EMCN: variants seen among roughly 807,000 people sequenced by gnomAD.
EMCN encodes the protein MUC-14.
EMCN carries 37 observed loss-of-function variants against 38.4 expected under a neutral mutation model. The observed-to-expected ratio is 0.96, with a 90% CI of 0.74 to 1.27. EMCN has a LOEUF of 1.27. Ranked by LOEUF, EMCN falls within the 50% of genes most tolerant of loss-of-function variation. The pLI is 0.00. For missense variants in EMCN, 318 were observed against 302.8 expected, an observed-to-expected ratio of 1.05 and a Z score of -0.37; for synonymous variants, 95 against 100.8, an observed-to-expected ratio of 0.94 and a Z score of 0.35.
At chr4:100,447,251 G>C (rs1290801113) in intron 5 of EMCN, among the ~76,000 whole-genome samples, 2 of 152,180 alleles carry the variant, frequency 1.3e-5, no homozygotes, top group Non-Finnish European at 2.9e-5. Context: ...ATCAAGAACA[G>C]TGGGTTTCAG....
intron 1 of EMCN, among the ~76,000 whole-genome samples, chr4:100,492,830 A>G (rs1299743660): frequency 6.6e-6 from 1 of 152,170 alleles, no homozygotes; most frequent in Non-Finnish European, 1.5e-5. Flanking sequence ...GGTGTAGTGT[A>G]GGGAGTAGAA....
At chr4:100,461,076 G>A (rs758762547) in intron 4 of EMCN, among the ~76,000 whole-genome samples, 2 of 152,178 alleles carry the variant, frequency 1.3e-5, no homozygotes, top group Non-Finnish European at 1.5e-5. Flanking sequence ...CTAATGGCAT[G>A]TGCTATCTTT....
At chr4:100,442,628 A>C (rs1326172937) in intron 5 of EMCN, among the ~76,000 whole-genome samples, 1 of 151,720 alleles carries the variant, frequency 6.6e-6, no homozygotes, top group African/African-American at 2.4e-5. Flanking sequence ...CACAGATTTT[A>C]TCTTCTGATT....
intron 10 of EMCN, among the ~76,000 whole-genome samples, chr4:100,410,841 G>A (rs776252321): frequency 1.4e-4 from 22 of 152,094 alleles, no homozygotes; most frequent in Non-Finnish European, 2.9e-4. Flanking sequence ...ACAGAGCAGC[G>A]CAGGTGCCAT....
chr4:100,411,122 C>T (rs923628978), intron 10 of EMCN, among the ~76,000 whole-genome samples: 3 of 152,122 alleles, frequency 2.0e-5, no homozygotes, highest in Non-Finnish European at 4.4e-5. Flanking sequence ...TCTGTCCTTT[C>T]GGGACTCTGA....
At chr4:100,418,911 C>T (rs1283475405) in intron 8 of EMCN, among the ~76,000 whole-genome samples, 4 of 152,016 alleles carry the variant, frequency 2.6e-5, no homozygotes, top group Admixed American at 1.3e-4. Flanking sequence ...TACCCAGCAG[C>T]GGGATTGCTG....
intron 10 of EMCN, 95 bp downstream of exon 10, chr4:100,415,803 G>T: frequency 2.6e-6 from 2 of 756,554 alleles, no homozygotes; most frequent in South Asian, 3.5e-5. Context: ...AAGAAGTTAG[G>T]CCTTTTGTTT....
intron 3 of EMCN, among the ~76,000 whole-genome samples, chr4:100,472,431 T>G (rs1009955343): frequency 6.6e-6 from 1 of 152,150 alleles, no homozygotes; most frequent in South Asian, 2.1e-4. Flanking sequence ...CTTCCACACT[T>G]GGAAACTACA....
At chr4:100,427,450 TC>T (rs1727081204) in intron 5 of EMCN, among the ~76,000 whole-genome samples, 1 of 130,504 alleles carries the variant, frequency 7.7e-6, no homozygotes, top group African/African-American at 3.6e-5. Context: ...TTTCTCTCTC[TC>T]TCTTTTTTTT....
At chr4:100,470,130 T>C (rs1728434289) in intron 3 of EMCN, among the ~76,000 whole-genome samples, 1 of 152,020 alleles carries the variant, frequency 6.6e-6, no homozygotes, top group East Asian at 1.9e-4. Context: ...GGGAAATTTT[T>C]GCATACTCTG....
intron 6 of EMCN, 106 bp from the exon 7 acceptor site, chr4:100,423,186 G>A (rs189201905): frequency 1.5e-6 from 2 of 1,329,610 alleles, no homozygotes; most frequent in Admixed American, 3.4e-5. Context: ...TAGGTATGAT[G>A]CTGCAAGTGC....
At chr4:100,428,143 G>C (rs1439425810) in intron 5 of EMCN, among the ~76,000 whole-genome samples, 1 of 152,064 alleles carries the variant, frequency 6.6e-6, no homozygotes, top group Non-Finnish European at 1.5e-5. Context: ...ATTCCACTTA[G>C]AGAAAAAGCC....
chr4:100,419,472 G>A (rs991578825), intron 8 of EMCN, among the ~76,000 whole-genome samples: 3 of 152,094 alleles, frequency 2.0e-5, no homozygotes, highest in Admixed American at 6.6e-5. Context: ...ATAGCTATCC[G>A]TAGTGGTAGG....
chr4:100,438,955 T>C (rs1434297821), intron 5 of EMCN, among the ~76,000 whole-genome samples: 1 of 152,068 alleles, frequency 6.6e-6, no homozygotes, highest in Non-Finnish European at 1.5e-5. Context: ...CAATATATAA[T>C]TCTTTTGGTG....
At position 100,396,400 on chromosome 4, in the gene EMCN, A is replaced by T. The variant is rs1726119720; in HGVS notation, c.*2013T>A. The T allele has an allele frequency of 6.6e-6, 1 of 152,166 alleles. No homozygotes were observed. The highest frequency in any genetic ancestry group is 1.5e-5 in the Non-Finnish European group (1 of 68,030). The allele number at this position is 152,166 out of a possible 1,614,324, so 9.4% of individuals were successfully genotyped here. A position where few individuals can be genotyped will look rare whatever the true frequency, so the allele number is the denominator to read the frequency against. On this transcript the variant is annotated 3_prime_UTR_variant, in exon 12 of 12. Transcript: ENST00000296420. ...ATGTAGAGAAAATGGTTTCTCTAGGATCCAAAATAACATATTACTTATAAT... is the reference window on the plus strand; with the variant it reads ...ATGTAGAGAAAATGGTTTCTCTAGGTTCCAAAATAACATATTACTTATAAT...
chr4:100,478,673 G>A (rs190336970), intron 2 of EMCN, among the ~76,000 whole-genome samples: 186 of 152,104 alleles, frequency 1.2e-3, no homozygotes, highest in Non-Finnish European at 2.0e-3. Flanking sequence ...CTCTACTTTC[G>A]GATATAGCTG....
intron 11 of EMCN, among the ~76,000 whole-genome samples, chr4:100,399,975 T>G (rs1349097989): frequency 6.6e-6 from 1 of 152,178 alleles, no homozygotes; most frequent in Non-Finnish European, 1.5e-5. Context: ...ATAAAGGACT[T>G]TTGATGTCAT....
chr4:100,415,542 A>G (rs1254151241), intron 10 of EMCN, among the ~76,000 whole-genome samples: 3 of 152,174 alleles, frequency 2.0e-5, no homozygotes, highest in Non-Finnish European at 1.5e-5. Context: ...CTTTTTGACC[A>G]TATGCGACTA....
At chr4:100,499,917 G>T in intron 1 of EMCN, among the ~76,000 whole-genome samples, 1 of 152,104 alleles carries the variant, frequency 6.6e-6, no homozygotes, top group East Asian at 1.9e-4. Context: ...AATAGGTAAG[G>T]TTTAATGAGA....
Sources: gnomAD v4.1 joint callset for allele counts (sites outside exome capture counted in the v4.1 genomes callset) on GRCh38, gnomAD v4.1.1 for gene constraint, MANE v1.5 for transcripts, NCBI Gene and HGNC (gene_info 2026-07-23, HGNC 2026-07-21) for gene names.